Variants in CEP192 observed in about 807,000 individuals in gnomAD.
CEP192 encodes the protein centrosomal protein 192, also known as centrosomal protein of 192 kDa.
CEP192 carries 151 observed loss-of-function variants against 271.8 expected under a neutral mutation model. That is an observed-to-expected ratio of 0.56 (90% CI 0.49 to 0.64). The LOEUF (loss-of-function observed/expected upper bound fraction) is 0.64. CEP192 is among the 30% of genes least tolerant of loss of function. CEP192 has a pLI of 0.00. For missense variants in CEP192, 2,910 were observed against 3,020.5 expected (o/e 0.96, Z 0.86); for synonymous variants, 995 against 1,076.5 (o/e 0.92, Z 1.48).
chr18:13,010,580 CTCACACCGGTAA>C (rs2034282417), intron 4 of CEP192, among the ~76,000 whole-genome samples: 1 of 152,196 alleles, frequency 6.6e-6, no homozygotes, highest in Admixed American at 6.5e-5. Flanking sequence ...GGCACGGTGG[CTCACACCGGTAA>C]TCTCAGCACT....
At position 13,056,040 on chromosome 18, in the gene CEP192, C is replaced by T. The variant is rs1318178864; in HGVS notation, c.3450C>T (p.Thr1150=). The stretch of plus-strand genomic sequence containing the variant: ...CCAAAAGTGGAAATCTGTTGGAAAC[C>T]AGTGAGGTAGGTTGGACATCAAACC... ...PSSKSGNLLE[T]SEVGWTSNPE... The change falls in exon 19 of 45, where the codon ACC becomes ACT. Residue 1150 remains threonine, a synonymous_variant. Transcript: ENST00000506447. 6.2e-7 allele frequency: 1 copy of T among 1,614,008 alleles called. No individual in the cohort carries two copies. Among genetic ancestry groups the T allele is most frequent in the Non-Finnish European group, 8.5e-7 (1 of 1,180,032 alleles).
chr18:13,039,830 GA>G (rs1364431394), intron 13 of CEP192, among the ~76,000 whole-genome samples: 72 of 152,184 alleles, frequency 4.7e-4, no homozygotes. Flanking sequence ...ACAGAAGAGG[GA>G]AAGAAGCAGG....
chr18:13,096,188 C>T lies in CEP192; in HGVS notation c.6438C>T (p.Asp2146=). 1 of 1,613,552 alleles carries T rather than the reference C, an allele frequency of 6.2e-7. No homozygotes were observed. The highest frequency in any genetic ancestry group is 8.5e-7 in the Non-Finnish European group (1 of 1,179,730). Residue 2146 remains aspartate, a synonymous_variant, in exon 36 of 45, where the codon GAC becomes GAT. Transcript: ENST00000506447. ...TTTATGTATCTGACAAAATAGGTGA[C>T]ATGGCAAAAACTGGACGTTTCCAGA... ...HLILVAPSPC[D]MAKTGRFQIV...
At chr18:13,096,363 T>C in intron 36 of CEP192, 56 bp downstream of exon 36, 1 of 1,583,784 alleles carries the variant, frequency 6.3e-7, no homozygotes, top group Non-Finnish European at 8.6e-7. Context: ...CTTGGTGACT[T>C]TCTAAAGATC....
intron 35 of CEP192, 48 bp downstream of exon 35, chr18:13,095,729 G>T: frequency 6.5e-7 from 1 of 1,530,142 alleles, no homozygotes; most frequent in Non-Finnish European, 8.9e-7. Context: ...CGGCGTCCGG[G>T]CCTGCACTCC....
At chr18:13,093,077 T>C (rs2039228528) in intron 34 of CEP192, among the ~76,000 whole-genome samples, 1 of 151,974 alleles carries the variant, frequency 6.6e-6, no homozygotes, top group Non-Finnish European at 1.5e-5. Context: ...GAGAATGGTG[T>C]GAACCCAGGA....
Position 13,008,450 on chromosome 18 carries a change from A to C in CEP192, c.291-6A>C, listed in dbSNP as rs1307104222. On this transcript the variant is annotated splice_polypyrimidine_tract_variant and splice_region_variant and intron_variant, in intron 3 of 44. Transcript: ENST00000506447. ...TTTATCATTCTTCTGTTTCCTAATA[A>C]AAAAGTTCTATCTCTAGGAAAAAGA... The C allele has an allele frequency of 1.3e-6, 2 of 1,524,242 alleles. No individual in the cohort carries two copies. The highest frequency in any genetic ancestry group is 4.9e-5 in the East Asian group (2 of 40,732). 94.4% of individuals were successfully genotyped at this position (1,524,242 alleles called of 1,614,324 possible). A position where few individuals can be genotyped will look rare whatever the true frequency, so the allele number is the denominator to read the frequency against.
At chr18:13,120,565 T>C (rs1269471480) in intron 44 of CEP192, among the ~76,000 whole-genome samples, 1 of 152,230 alleles carries the variant, frequency 6.6e-6, no homozygotes, top group African/African-American at 2.4e-5. Context: ...TAAGTTAGCA[T>C]TTAAAATAGT....
In CEP192 at chr18:13,124,867, A is replaced by G. The variant is rs1302590747; in HGVS notation, c.*97A>G. 4.2e-6 allele frequency: 4 copies of G among 961,912 alleles called. No homozygotes were observed. The highest frequency in any genetic ancestry group is 2.7e-5 in the East Asian group (1 of 37,524). 59.6% of individuals were successfully genotyped at this position (961,912 alleles called of 1,614,324 possible). On this transcript the variant is annotated 3_prime_UTR_variant, in exon 45 of 45. Coordinates refer to ENST00000506447, the MANE Select transcript of CEP192 (RefSeq NM_032142.4). ...TTATGCTTTTGTATATATATTTTGT[A>G]TGATGGATATCTATAATTGTAGATT...
intron 14 of CEP192, among the ~76,000 whole-genome samples, chr18:13,041,733 T>G (rs2036218730): frequency 6.6e-6 from 1 of 151,928 alleles, no homozygotes; most frequent in South Asian, 2.1e-4. Flanking sequence ...CTCAGCTAAT[T>G]TTTTGTATTT....
intron 9 of CEP192, 43 bp from the exon 10 acceptor site, chr18:13,029,620 C>T: frequency 8.4e-7 from 1 of 1,188,844 alleles, no homozygotes; most frequent in Non-Finnish European, 1.2e-6. Context: ...AAAAACAAGA[C>T]TTACTGTTGC....
At chr18:13,111,741 T>A (rs140589922) in intron 40 of CEP192, among the ~76,000 whole-genome samples, 3 of 152,224 alleles carry the variant, frequency 2.0e-5, no homozygotes, top group African/African-American at 7.2e-5. Context: ...AAAGGACTTG[T>A]ATCCAGAATA....
At position 13,049,120 on chromosome 18, in the gene CEP192, A is replaced by G; in HGVS notation, c.2329A>G (p.Asn777Asp). The change falls in exon 16 of 45, where the codon AAT becomes GAT. Residue 777 changes from asparagine (N) to aspartate (D), a missense_variant. Coordinates refer to ENST00000506447, the MANE Select transcript of CEP192 (RefSeq NM_032142.4). ...PNDLEKSNGS[N>D]ALDMEKYLKK... ...TGATTTAGAAAAAAGTAATGGATCC[A>G]ATGCACTTGATATGGAGAAATACCT... 2 of 1,614,064 alleles carry G rather than the reference A, an allele frequency of 1.2e-6. No individual in the cohort carries two copies. The highest frequency in any genetic ancestry group is 1.7e-6 in the Non-Finnish European group (2 of 1,179,976).
chr18:13,055,356 C>A (rs1023079119), intron 18 of CEP192, among the ~76,000 whole-genome samples: 4 of 152,054 alleles, frequency 2.6e-5, no homozygotes, highest in African/African-American at 9.7e-5. Flanking sequence ...GGGGTGGGGC[C>A]CTGCCAGCCT....
chr18:13,033,647 G>A (rs982495912), intron 11 of CEP192, among the ~76,000 whole-genome samples: 2 of 152,192 alleles, frequency 1.3e-5, no homozygotes, highest in Non-Finnish European at 2.9e-5. Context: ...TGATAACAAC[G>A]TTAGAAGCAA....
intron 1 of CEP192, among the ~76,000 whole-genome samples, chr18:12,992,668 A>C (rs2032943666): frequency 6.6e-6 from 1 of 152,192 alleles, no homozygotes; most frequent in South Asian, 2.1e-4. Context: ...TACAAGTGTA[A>C]TCTTTTCTGG....
intron 4 of CEP192, among the ~76,000 whole-genome samples, chr18:13,010,320 T>C (rs2034264079): frequency 6.6e-6 from 1 of 152,168 alleles, no homozygotes; most frequent in Non-Finnish European, 1.5e-5. Flanking sequence ...AACTCCAAAC[T>C]AGTTCAGTAC....
intron 18 of CEP192, among the ~76,000 whole-genome samples, chr18:13,053,348 C>T (rs569076771): frequency 3.9e-5 from 6 of 152,270 alleles, no homozygotes; most frequent in African/African-American, 1.4e-4. Context: ...TCATGCTGCG[C>T]GCATACTATG....
chr18:13,058,265 A>G (rs2037219698), intron 20 of CEP192: 1 of 152,418 alleles, frequency 6.6e-6, no homozygotes, highest in South Asian at 2.1e-4. Flanking sequence ...CTATAATTCT[A>G]GACTCTAAAT....
Sources: allele counts gnomAD v4.1 joint callset (sites outside exome capture counted in the v4.1 genomes callset), GRCh38; gene constraint gnomAD v4.1.1; transcripts MANE v1.5; gene names NCBI Gene and HGNC (gene_info 2026-07-23, HGNC 2026-07-21).